Variants in PLXNA4 observed in about 807,000 individuals in gnomAD.
PLXNA4 encodes the protein plexin-A4.
Under a neutral mutation model 191.8 loss-of-function variants are expected in PLXNA4, and 44 were observed. That is an observed-to-expected ratio of 0.23 (90% confidence interval 0.18 to 0.29). The LOEUF is 0.29. Ranked by LOEUF, PLXNA4 falls within the 10% of genes least tolerant of loss-of-function variation. PLXNA4 has a pLI of 1.00. For synonymous variants in PLXNA4, 1,082 were observed against 1,009.5 expected (o/e 1.07, Z -1.36); for missense variants, 1,800 against 2,488.8 (o/e 0.72, Z 5.89).
chr7:132,372,541 G>T (rs1804488866), intron 3 of PLXNA4, among the ~76,000 whole-genome samples: 1 of 152,202 alleles, frequency 6.6e-6, no homozygotes, highest in Non-Finnish European at 1.5e-5. Flanking sequence ...CCTTCAGGCA[G>T]GAGTGGAAGC....
chr7:132,553,211 C>T (rs1004774171), intron 1 of PLXNA4, among the ~76,000 whole-genome samples: 1 of 152,222 alleles, frequency 6.6e-6, no homozygotes, highest in Non-Finnish European at 1.5e-5. Context: ...TGGCCTGCAA[C>T]CTGCTCACCC....
At chr7:132,545,269 T>C (rs1013263684) in intron 1 of PLXNA4, among the ~76,000 whole-genome samples, 1 of 152,058 alleles carries the variant, frequency 6.6e-6, no homozygotes, top group South Asian at 2.1e-4. Flanking sequence ...TTTATCCCAG[T>C]GGAAGTCAAG....
chr7:132,563,121 C>T (rs1585348855), intron 1 of PLXNA4, among the ~76,000 whole-genome samples: 4 of 109,246 alleles, frequency 3.7e-5, no homozygotes, highest in Admixed American at 8.5e-5. Context: ...CCTCCTCCTC[C>T]TTCTCCTCCT....
At chr7:132,281,771 C>T (rs2116398748) in intron 4 of PLXNA4, among the ~76,000 whole-genome samples, 1 of 152,236 alleles carries the variant, frequency 6.6e-6, no homozygotes, top group East Asian at 1.9e-4. Context: ...CTGAAAAGGT[C>T]AGCAAATGTG....
intron 25 of PLXNA4, among the ~76,000 whole-genome samples, chr7:132,151,730 G>A (rs868348514): frequency 6.6e-6 from 1 of 152,086 alleles, no homozygotes; most frequent in Non-Finnish European, 1.5e-5. Flanking sequence ...CCAGACTGAC[G>A]GGCAGCTGGT....
At position 132,403,608 on chromosome 7, in the gene PLXNA4, G is replaced by A. The variant is rs141345442; in HGVS notation, c.1371+85684C>T. Among the ~76,000 whole-genome samples, 695 of 152,196 alleles carry A rather than the reference G, an allele frequency of 4.6e-3. 7 individuals carry two copies. Among genetic ancestry groups the A allele is most frequent in the African/African-American group, 0.016 (657 of 41,542 alleles). ...CCAAATTGGCCTGGGTTTAAATTGG[G>A]ACTTTTTTTTCCCTTCCTGGCCTGG... On this transcript the variant is annotated intron_variant, in intron 3 of 31. Coordinates refer to ENST00000321063, the MANE Select transcript of PLXNA4 (RefSeq NM_020911.2).
At chr7:132,240,555 C>T (rs775088327) in intron 5 of PLXNA4, among the ~76,000 whole-genome samples, 4 of 152,214 alleles carry the variant, frequency 2.6e-5, no homozygotes, top group Admixed American at 2.0e-4. Context: ...CTACACACTT[C>T]AACTGCAGAC....
chr7:132,637,212 A>G (rs11970996), intron 2 of PLXNA4, among the ~76,000 whole-genome samples: 11,422 of 152,114 alleles, frequency 0.075, 1,040 homozygotes, highest in East Asian at 0.27. Flanking sequence ...GACCAGGACC[A>G]CAATTTGTAT....
At position 132,133,884 on chromosome 7, in the gene PLXNA4, A is replaced by C. The variant is rs374621831; in HGVS notation, c.5439-685T>G. 7.9e-5 allele frequency among the ~76,000 whole-genome samples: 12 copies of C among 152,198 alleles called. No homozygotes were observed. The East Asian group carries it at 1.5e-3, about 20-fold the overall frequency. The stretch of plus-strand genomic sequence containing the variant: ...GTGTCCCCAAAGACAGCCACTTCTC[A>C]CCCTCTCCTATGTACTTTTGGGCTT... On this transcript the variant is annotated intron_variant, in intron 30 of 31. Transcript: ENST00000321063.
intron 2 of PLXNA4, among the ~76,000 whole-genome samples, chr7:132,626,222 A>G (rs1283039682): frequency 6.6e-6 from 1 of 152,088 alleles, no homozygotes; most frequent in Non-Finnish European, 1.5e-5. Flanking sequence ...ACTGCCACAA[A>G]CTAGGTCAAG....
chr7:132,493,122 C>A (rs1797871231), intron 2 of PLXNA4, among the ~76,000 whole-genome samples: 2 of 152,164 alleles, frequency 1.3e-5, no homozygotes, highest in South Asian at 2.1e-4. Flanking sequence ...TGAAAGCCTT[C>A]AACAGGTGAG....
At chr7:132,395,531 C>T (rs149967992) in intron 3 of PLXNA4, among the ~76,000 whole-genome samples, 47 of 152,314 alleles carry the variant, frequency 3.1e-4, no homozygotes, top group East Asian at 1.2e-3. Context: ...CAGGCTGGCA[C>T]GTGCGTCCCA....
At chr7:132,375,287 C>T (rs994820987) in intron 3 of PLXNA4, among the ~76,000 whole-genome samples, 1 of 152,134 alleles carries the variant, frequency 6.6e-6, no homozygotes, top group East Asian at 1.9e-4. Context: ...ATCCCGCCCC[C>T]CCCCACGCCC....
intron 29 of PLXNA4, among the ~76,000 whole-genome samples, 158 bp from the exon 30 acceptor site, chr7:132,140,969 G>A (rs567794929): frequency 6.6e-6 from 1 of 152,214 alleles, no homozygotes; most frequent in Admixed American, 6.5e-5. Flanking sequence ...GAAGGGAGGT[G>A]AGGCAGGTCT....
intron 3 of PLXNA4, among the ~76,000 whole-genome samples, chr7:132,301,839 T>C (rs1801316949): frequency 1.3e-5 from 2 of 152,332 alleles, no homozygotes; most frequent in Middle Eastern, 3.4e-3. Context: ...TAAATAACAC[T>C]GTCTCAGCTG....
At chr7:132,237,519 G>A (rs576314407) in intron 5 of PLXNA4, among the ~76,000 whole-genome samples, 25 of 152,236 alleles carry the variant, frequency 1.6e-4, no homozygotes, top group Non-Finnish European at 3.2e-4. Context: ...GTGCCTCAGC[G>A]GGCAGGCAGC....
At chr7:132,355,067 C>T (rs532702106) in intron 3 of PLXNA4, among the ~76,000 whole-genome samples, 1 of 152,312 alleles carries the variant, frequency 6.6e-6, no homozygotes, top group East Asian at 1.9e-4. Context: ...GAGCCAGATG[C>T]CCCCTCTTCC....
intron 3 of PLXNA4, among the ~76,000 whole-genome samples, chr7:132,301,983 C>CCAATG (rs1801324563): frequency 6.6e-6 from 1 of 152,178 alleles, no homozygotes; most frequent in Non-Finnish European, 1.5e-5. Flanking sequence ...AAGACTAGAA[C>CCAATG]CCAGGTCTCC....
intron 10 of PLXNA4, among the ~76,000 whole-genome samples, chr7:132,210,037 C>G (rs1463766430): frequency 3.3e-5 from 5 of 152,192 alleles, no homozygotes; most frequent in Non-Finnish European, 5.9e-5. Flanking sequence ...AAGAAGGTCT[C>G]CAAATGGTAT....
Sources: gnomAD v4.1 joint callset for allele counts (sites outside exome capture counted in the v4.1 genomes callset) on GRCh38, gnomAD v4.1.1 for gene constraint, MANE v1.5 for transcripts, NCBI Gene and HGNC (gene_info 2026-07-23, HGNC 2026-07-21) for gene names.